The following WWOX variants were observed in gnomAD, a reference collection of about 807,000 sequenced individuals.
The protein encoded by WWOX is WW domain containing oxidoreductase, also known as WW domain-containing oxidoreductase.
In WWOX, 69 loss-of-function variants were observed where a neutral mutation model predicts 46.2. The ratio of observed to expected loss-of-function variants is 1.49; its 90% CI spans 1.23 to 1.82. The LOEUF (loss-of-function observed/expected upper bound fraction) is 1.82, where lower values mean the gene tolerates loss of function less well. Ranked by LOEUF, WWOX falls within the 40% of genes most tolerant of loss-of-function variation. The pLI is 0.00. For synonymous variants in WWOX, 359 were observed against 202.6 expected, an observed-to-expected ratio of 1.77 and a Z score of -6.56; for missense variants, 919 against 542.6, an observed-to-expected ratio of 1.69 and a Z score of -6.89.
chr16:79,119,860 GT>G (rs1188955304), intron 8 of WWOX, among the ~76,000 whole-genome samples: 1 of 152,184 alleles, frequency 6.6e-6, no homozygotes, highest in Non-Finnish European at 1.5e-5. Flanking sequence ...AAGACATAGG[GT>G]TTTATTAGGG....
At chr16:79,066,288 C>T (rs917756405) in intron 8 of WWOX, among the ~76,000 whole-genome samples, 3 of 152,196 alleles carry the variant, frequency 2.0e-5, no homozygotes, top group African/African-American at 7.2e-5. Flanking sequence ...GCCCTGCTTC[C>T]TCCCGCACAC....
intron 8 of WWOX, among the ~76,000 whole-genome samples, chr16:78,791,526 G>T (rs766003321): frequency 1.3e-5 from 2 of 152,086 alleles, no homozygotes; most frequent in Non-Finnish European, 2.9e-5. Flanking sequence ...TTCCCCAGAT[G>T]GGTTTCACTG....
At chr16:78,918,772 A>T (rs2045309913) in intron 8 of WWOX, among the ~76,000 whole-genome samples, 1 of 152,178 alleles carries the variant, frequency 6.6e-6, no homozygotes, top group Non-Finnish European at 1.5e-5. Flanking sequence ...TGCTCGGAGG[A>T]GTCAAGTTAC....
chr16:78,951,546 G>A (rs574335076), intron 8 of WWOX, among the ~76,000 whole-genome samples: 12 of 152,278 alleles, frequency 7.9e-5, no homozygotes, highest in African/African-American at 2.4e-4. Context: ...TGGAAAAGGG[G>A]ACATGGGTAT....
At chr16:78,923,499 T>A (rs554296306) in intron 8 of WWOX, among the ~76,000 whole-genome samples, 4 of 152,200 alleles carry the variant, frequency 2.6e-5, no homozygotes, top group African/African-American at 9.6e-5. Flanking sequence ...GGATTGGGAG[T>A]CAGAATATCA....
intron 8 of WWOX, among the ~76,000 whole-genome samples, chr16:78,717,864 G>C (rs933683940): frequency 6.6e-6 from 1 of 152,176 alleles, no homozygotes; most frequent in Non-Finnish European, 1.5e-5. Context: ...CCTGTTTGGT[G>C]ATGAGGAAGG....
rs571742727 is a variant in WWOX, at chr16:78,315,420, C to A, written c.517-71440C>A. On this transcript the variant is annotated intron_variant, in intron 5 of 8. Coordinates refer to ENST00000566780, the MANE Select transcript of WWOX (RefSeq NM_016373.4). ...TCCCAGCACTTGGGGAGGCCAAGGC[C>A]GGCGGATCACTTGAGGTTAGGAGTT... 2.4e-3 allele frequency among the ~76,000 whole-genome samples: 365 copies of A among 152,068 alleles called. 2 individuals carry two copies. Among genetic ancestry groups the A allele is most frequent in the Middle Eastern group, 0.01 (3 of 290 alleles).
intron 4 of WWOX, chr16:78,145,887 G>T (rs2034181740): frequency 6.6e-6 from 1 of 152,182 alleles, no homozygotes; most frequent in African/African-American, 2.4e-5. Context: ...TAGGGCTTCA[G>T]TGTATGAGTT....
intron 8 of WWOX, among the ~76,000 whole-genome samples, chr16:78,764,060 C>T (rs145739911): frequency 5.2e-4 from 79 of 152,264 alleles, no homozygotes; most frequent in African/African-American, 1.9e-3. Context: ...AATATTTGCT[C>T]AGAGAGATCC....
At chr16:79,008,220 C>A (rs1007349683) in intron 8 of WWOX, among the ~76,000 whole-genome samples, 1 of 152,192 alleles carries the variant, frequency 6.6e-6, no homozygotes, top group African/African-American at 2.4e-5. Context: ...CAGGCCCTAT[C>A]CACAGATGAC....
At chr16:79,056,685 C>T (rs2048268681) in intron 8 of WWOX, among the ~76,000 whole-genome samples, 1 of 152,178 alleles carries the variant, frequency 6.6e-6, no homozygotes, top group South Asian at 2.1e-4. Context: ...TGCCAATCCC[C>T]CTCCATTAAG....
At chr16:78,926,980 G>C (rs554418149) in intron 8 of WWOX, among the ~76,000 whole-genome samples, 5 of 152,168 alleles carry the variant, frequency 3.3e-5, no homozygotes, top group Admixed American at 3.3e-4. Context: ...ATTTTCTGTA[G>C]AGATGGGGTT....
At chr16:78,115,620 A>G (rs982147684) in intron 4 of WWOX, among the ~76,000 whole-genome samples, 5 of 152,154 alleles carry the variant, frequency 3.3e-5, no homozygotes, top group African/African-American at 9.7e-5. Context: ...TTATTTCTCT[A>G]TAAAATTGGA....
chr16:78,538,445 C>T (rs1448370884), intron 8 of WWOX, among the ~76,000 whole-genome samples: 4 of 152,116 alleles, frequency 2.6e-5, no homozygotes, highest in Non-Finnish European at 5.9e-5. Flanking sequence ...ACTTCGGCCA[C>T]GGGCTTTCCC....
At chr16:78,363,495 C>T (rs4243155) in intron 5 of WWOX, among the ~76,000 whole-genome samples, 140,060 of 151,934 alleles carry the variant, frequency 0.92, 64,903 homozygotes, top group African/African-American at 0.98. Context: ...CCCAGGCTGT[C>T]CTTGAACTCC....
chr16:78,386,676 T>A (rs1236601916), intron 5 of WWOX, among the ~76,000 whole-genome samples, 184 bp from the exon 6 acceptor site: 2 of 74,368 alleles, frequency 2.7e-5, no homozygotes, highest in Non-Finnish European at 5.0e-5. Flanking sequence ...CAGCCTCACA[T>A]CCTCCCCGAA....
intron 8 of WWOX, among the ~76,000 whole-genome samples, chr16:79,105,659 T>A (rs2049293403): frequency 6.7e-6 from 1 of 149,692 alleles, no homozygotes; most frequent in Non-Finnish European, 1.5e-5. Context: ...AATGTCTTTT[T>A]GTTTTTTTTT....
At chr16:79,177,713 G>C (rs1000859080) in intron 8 of WWOX, among the ~76,000 whole-genome samples, 2 of 152,118 alleles carry the variant, frequency 1.3e-5, no homozygotes, top group African/African-American at 4.8e-5. Flanking sequence ...AGTAGTCCCA[G>C]CCTTACTTAT....
rs1597063873 is a variant in WWOX, at chr16:78,341,168, A to T, written c.517-45692A>T. 1.9e-5 allele frequency among the ~76,000 whole-genome samples: 2 copies of T among 105,694 alleles called. 1 individual carries two copies. The highest frequency in any genetic ancestry group is 5.8e-4 in the South Asian group (2 of 3,460). The allele number at this position is 105,694 out of a possible 152,430, so 69.3% of individuals were successfully genotyped here. The stretch of plus-strand genomic sequence containing the variant: ...ATCTGCTTTCCAGCATCCAACTGTA[A>T]TTTTTTTTTTTTTAAGAGAAATGAA... On this transcript the variant is annotated intron_variant, in intron 5 of 8. Transcript: ENST00000566780.
Sources: allele counts gnomAD v4.1 joint callset (sites outside exome capture counted in the v4.1 genomes callset), GRCh38; gene constraint gnomAD v4.1.1; transcripts MANE v1.5; gene names NCBI Gene and HGNC (gene_info 2026-07-23, HGNC 2026-07-21).